Variants in VWA8 observed in about 807,000 individuals in gnomAD.
VWA8 encodes the protein von Willebrand factor A domain-containing protein 8.
VWA8 carries 221 observed loss-of-function variants against 241.5 expected under a neutral mutation model. The observed-to-expected ratio is 0.91, with a 90% CI of 0.82 to 1.02. VWA8 has a LOEUF of 1.02. Among genes scored for constraint, VWA8 ranks in the 50% least tolerant of loss-of-function variants. VWA8 has a pLI of 0.00. For missense variants in VWA8, 2,322 were observed against 2,328.7 expected (o/e 1.00, Z 0.06); for synonymous variants, 852 against 827.1 (o/e 1.03, Z -0.52).
At chr13:41,901,610 G>A (rs1875427705) in intron 4 of VWA8, among the ~76,000 whole-genome samples, 1 of 151,982 alleles carries the variant, frequency 6.6e-6, no homozygotes, top group African/African-American at 2.4e-5. Context: ...GCTCACGCCT[G>A]TTATACCAGC....
At chr13:41,777,206 A>T (rs1182524263) in intron 20 of VWA8, among the ~76,000 whole-genome samples, 2 of 152,170 alleles carry the variant, frequency 1.3e-5, no homozygotes, top group African/African-American at 2.4e-5. Context: ...CTCTCAAGGG[A>T]CATATAGACA....
rs751524282 is a variant in VWA8 at position 41,816,743 on chromosome 13, C to G, written c.1902G>C (p.Lys634Asn). ...TGAGTTTGTGTGTAAATGATAATAA[C>G]TTATCCAGAGCTTCCTGAGGTACAT... ...VPNVPQEALD[K>N]LLSFTHKLRE... The change falls in exon 16 of 45, where the codon AAG becomes AAC. Residue 634 changes from lysine (K) to asparagine (N), a missense_variant. Lys to Asn is a moderately conservative substitution (Grantham distance 94). Transcript: ENST00000379310. 2 of 1,613,544 alleles carry G rather than the reference C, an allele frequency of 1.2e-6. No individual in the cohort carries two copies. Among genetic ancestry groups the G allele is most frequent in the Admixed American group, 1.7e-5 (1 of 59,988 alleles).
intron 23 of VWA8, 145 bp from the exon 24 acceptor site, chr13:41,727,458 A>C (rs2045445991): frequency 1.3e-6 from 1 of 760,558 alleles, no homozygotes; most frequent in Admixed American, 3.8e-5. Context: ...TTGGTTGCAG[A>C]AACAAAAACT....
At chr13:41,746,084 T>G (rs372898168) in intron 21 of VWA8, among the ~76,000 whole-genome samples, 43 of 152,314 alleles carry the variant, frequency 2.8e-4, no homozygotes, top group African/African-American at 9.6e-4. Context: ...AGTGTTTTAT[T>G]TCTGCAAAAG....
In VWA8 at chr13:41,729,127, G is replaced by A. The variant is rs151115267; in HGVS notation, c.2638+415C>T. 2.9e-3 allele frequency among the ~76,000 whole-genome samples: 435 copies of A among 151,916 alleles called. 1 individual carries two copies. The highest frequency in any genetic ancestry group is 9.9e-3 in the African/African-American group (410 of 41,464). ...TTCTTCCTAAGGTAGGAGTGTGTGT[G>A]TAATATACATGTCTTTATATATACA... On this transcript the variant is annotated intron_variant, in intron 23 of 44. Transcript: ENST00000379310.
At chr13:41,623,395 C>T (rs959172943) in intron 37 of VWA8, among the ~76,000 whole-genome samples, 1 of 152,124 alleles carries the variant, frequency 6.6e-6, no homozygotes, top group Non-Finnish European at 1.5e-5. Context: ...AATACATGTC[C>T]TTATAGTTAA....
chr13:41,781,229 T>C (rs1868871254), intron 19 of VWA8, among the ~76,000 whole-genome samples: 1 of 152,128 alleles, frequency 6.6e-6, no homozygotes, highest in Non-Finnish European at 1.5e-5. Context: ...CTTTCCTAAT[T>C]CACCAGCCTC....
intron 36 of VWA8, among the ~76,000 whole-genome samples, 197 bp downstream of exon 36, chr13:41,675,018 A>G (rs1210441417): frequency 6.6e-6 from 1 of 152,202 alleles, no homozygotes; most frequent in Non-Finnish European, 1.5e-5. Flanking sequence ...TAACACTGGA[A>G]TATTTTTACA....
At chr13:41,646,575 G>A (rs1297582809) in intron 37 of VWA8, among the ~76,000 whole-genome samples, 2 of 151,942 alleles carry the variant, frequency 1.3e-5, no homozygotes, top group Non-Finnish European at 2.9e-5. Flanking sequence ...TAAAACCCAG[G>A]TTTATCAGAT....
At chr13:41,790,269 C>G (rs2137946849) in intron 17 of VWA8, among the ~76,000 whole-genome samples, 1 of 152,190 alleles carries the variant, frequency 6.6e-6, no homozygotes, top group African/African-American at 2.4e-5. Context: ...AAATTCACAC[C>G]AACAATAATC....
At chr13:41,600,888 C>A (rs189751699) in intron 40 of VWA8, among the ~76,000 whole-genome samples, 1 of 152,042 alleles carries the variant, frequency 6.6e-6, no homozygotes, top group African/African-American at 2.4e-5. Flanking sequence ...ATTTCAATTA[C>A]GCTGGCTCAG....
At chr13:41,912,507 G>A (rs1354576499) in intron 2 of VWA8, among the ~76,000 whole-genome samples, 3 of 151,992 alleles carry the variant, frequency 2.0e-5, no homozygotes, top group East Asian at 1.9e-4. Context: ...TGTTCCTAAC[G>A]AAATAAAAGC....
chr13:41,877,542 T>G (rs1873957278), intron 9 of VWA8, among the ~76,000 whole-genome samples: 3 of 152,102 alleles, frequency 2.0e-5, no homozygotes, highest in Admixed American at 2.0e-4. Context: ...GCATATAATT[T>G]GCCAAAAAAT....
At chr13:41,781,235 G>A (rs915761160) in intron 19 of VWA8, among the ~76,000 whole-genome samples, 1 of 152,064 alleles carries the variant, frequency 6.6e-6, no homozygotes, top group African/African-American at 2.4e-5. Flanking sequence ...TAATTCACCA[G>A]CCTCTTCTCT....
intron 29 of VWA8, among the ~76,000 whole-genome samples, chr13:41,698,503 G>A (rs2045229052): frequency 6.6e-6 from 1 of 152,120 alleles, no homozygotes; most frequent in African/African-American, 2.4e-5. Flanking sequence ...GTAAATGACG[G>A]ATAGAACTTG....
intron 2 of VWA8, among the ~76,000 whole-genome samples, chr13:41,916,601 A>T (rs1242257888): frequency 6.6e-6 from 1 of 152,250 alleles, no homozygotes; most frequent in Admixed American, 6.5e-5. Flanking sequence ...GTTTTAGTAT[A>T]GCGTATTTTA....
chr13:41,960,602 T>C (rs185835748), intron 1 of VWA8, among the ~76,000 whole-genome samples: 28 of 152,234 alleles, frequency 1.8e-4, no homozygotes, highest in Non-Finnish European at 3.5e-4. Flanking sequence ...ATCACTCTTC[T>C]AGGTCATCAG....
chr13:41,908,118 G>A (rs1875810844), intron 3 of VWA8, among the ~76,000 whole-genome samples: 1 of 152,116 alleles, frequency 6.6e-6, no homozygotes, highest in African/African-American at 2.4e-5. Flanking sequence ...ATCAATGTTT[G>A]CCAAGTGTAT....
At chr13:41,872,126 G>A (rs910570826) in intron 9 of VWA8, among the ~76,000 whole-genome samples, 1 of 151,998 alleles carries the variant, frequency 6.6e-6, no homozygotes, top group Non-Finnish European at 1.5e-5. Context: ...GTCTGTTCAT[G>A]TCCTTCACCC....
Sources: allele counts gnomAD v4.1 joint callset (sites outside exome capture counted in the v4.1 genomes callset), GRCh38; gene constraint gnomAD v4.1.1; transcripts MANE v1.5; gene names NCBI Gene and HGNC (gene_info 2026-07-23, HGNC 2026-07-21).